Variants in C1orf116 observed in about 807,000 individuals in gnomAD.
C1orf116 encodes chromosome 1 open reading frame 116.
Under a neutral mutation model 14.1 loss-of-function variants are expected in C1orf116, and 12 were observed. That is an observed-to-expected ratio of 0.85 (90% CI 0.54 to 1.38). The LOEUF (loss-of-function observed/expected upper bound fraction) is 1.38, where lower values mean the gene tolerates loss of function less well. Ranked by LOEUF, C1orf116 falls within the 40% of genes most tolerant of loss-of-function variation. The pLI, the probability that C1orf116 is intolerant of heterozygous loss-of-function variation, is 0.00. For missense variants in C1orf116, 797 were observed against 747.0 expected (o/e 1.07, Z -0.78); for synonymous variants, 296 against 299.0 (o/e 0.99, Z 0.10).
chr1:207,023,361 G>A lies in C1orf116; in HGVS notation c.403C>T (p.Pro135Ser). 6.2e-7 allele frequency: 1 copy of A among 1,614,162 alleles called. No homozygotes were observed. The highest frequency in any genetic ancestry group is 8.5e-7 in the Non-Finnish European group (1 of 1,180,006). The change falls in exon 4 of 4, where the codon CCT (proline) becomes TCT (serine). Residue 135 changes from proline (P) to serine (S), a missense_variant. Transcript: ENST00000359470. ...CTTCTGGCAATGTGGATATTCCTAGGGAGGCTGTAGGAGCCAGACCTGAGG... is the reference window on the plus strand; with the variant it reads ...CTTCTGGCAATGTGGATATTCCTAGAGAGGCTGTAGGAGCCAGACCTGAGG... ...LGLRSGSYSL[P>S]RNIHIARSQN...
intron 3 of C1orf116, 123 bp from the exon 4 acceptor site, chr1:207,023,603 G>A (rs1681961202): frequency 7.4e-7 from 1 of 1,349,514 alleles, no homozygotes; most frequent in African/African-American, 1.5e-5. Context: ...CAATGAATGG[G>A]TTTTATTTTG....
At chr1:207,024,035 A>G (rs1295086287) in intron 3 of C1orf116, among the ~76,000 whole-genome samples, 3 of 152,164 alleles carry the variant, frequency 2.0e-5, no homozygotes, top group Non-Finnish European at 4.4e-5. Context: ...TTTGCTCTTG[A>G]TTCAACCAGG....
chr1:207,032,526 A>C, intron 1 of C1orf116, 53 bp downstream of exon 1: 256 of 978,588 alleles, frequency 2.6e-4, no homozygotes, highest in South Asian at 2.8e-4. Context: ...TTTCCCATGA[A>C]ACCCCTTCCT....
Position 207,020,461 on chromosome 1 carries a change from A to T in C1orf116, c.*1497T>A, listed in dbSNP as rs1444626624. Reference sequence around the variant, plus strand: ...GGGCATCCTGGACTCCAAGCAGTTCACAACCATAAGTAAGATTTACTTCCT... The same window carrying T: ...GGGCATCCTGGACTCCAAGCAGTTCTCAACCATAAGTAAGATTTACTTCCT... On this transcript the variant is annotated 3_prime_UTR_variant, in exon 4 of 4. Coordinates refer to ENST00000359470, the MANE Select transcript of C1orf116 (RefSeq NM_023938.6). 6.6e-6 allele frequency: 1 copy of T among 152,120 alleles called. No homozygotes were observed. The highest frequency in any genetic ancestry group is 6.6e-5 in the Admixed American group (1 of 15,266). 9.4% of individuals were successfully genotyped at this position (152,120 alleles called of 1,614,324 possible). A position where few individuals can be genotyped will look rare whatever the true frequency, so the allele number is the denominator to read the frequency against.
rs1681754321 is a variant in C1orf116, at chr1:207,019,162, G to T, written c.*2796C>A. ...AGTGGGCTCATCGGTTGACCTCTGT[G>T]TGAGATGGCACGTGGTCCTACCCTG... is the stretch of plus-strand genomic sequence containing the variant. On this transcript the variant is annotated 3_prime_UTR_variant, in exon 4 of 4. Transcript: ENST00000359470. The T allele has an allele frequency of 6.6e-6, 1 of 152,306 alleles. No individual in the cohort carries two copies. The highest frequency in any genetic ancestry group is 1.5e-5 in the Non-Finnish European group (1 of 68,092). 9.4% of individuals were successfully genotyped at this position (152,306 alleles called of 1,614,324 possible). A position where few individuals can be genotyped will look rare whatever the true frequency, so the allele number is the denominator to read the frequency against.
chr1:207,032,326 T>C (rs1469817685), intron 1 of C1orf116, among the ~76,000 whole-genome samples: 1 of 152,210 alleles, frequency 6.6e-6, no homozygotes, highest in Non-Finnish European at 1.5e-5. Context: ...TTGCACAATA[T>C]GCCTATCCAA....
chr1:207,031,422 T>G (rs543393991), intron 1 of C1orf116, among the ~76,000 whole-genome samples: 17 of 152,154 alleles, frequency 1.1e-4, no homozygotes, highest in Non-Finnish European at 2.5e-4. Flanking sequence ...GTGTGGGGTG[T>G]TGGCTCTGTG....
In C1orf116 at chr1:207,018,849, A is replaced by T. The variant is rs1681739741; in HGVS notation, c.*3109T>A. On this transcript the variant is annotated 3_prime_UTR_variant, in exon 4 of 4. Coordinates refer to ENST00000359470, the MANE Select transcript of C1orf116 (RefSeq NM_023938.6). ...GGCCCCCTCTCCTCTAGTCCATGAG[A>T]TTACAGCTTTGCACACTGACAGGAG... 2 of 152,262 alleles carry T rather than the reference A, an allele frequency of 1.3e-5. No individual in the cohort carries two copies. The highest frequency in any genetic ancestry group is 2.9e-5 in the Non-Finnish European group (2 of 68,128). 9.4% of individuals were successfully genotyped at this position (152,262 alleles called of 1,614,324 possible). A position where few individuals can be genotyped will look rare whatever the true frequency, so the allele number is the denominator to read the frequency against.
chr1:207,024,402 G>A (rs1160385243), intron 3 of C1orf116, among the ~76,000 whole-genome samples: 1 of 152,206 alleles, frequency 6.6e-6, no homozygotes, highest in Admixed American at 6.5e-5. Flanking sequence ...CTTCTGCTGA[G>A]CCTGAATACC....
chr1:207,024,964 A>G lies in C1orf116; in HGVS notation c.206T>C (p.Leu69Pro), dbSNP rs772599263. 3.8e-5 allele frequency: 62 copies of G among 1,613,858 alleles called. No homozygotes were observed. Among genetic ancestry groups the G allele is most frequent in the Non-Finnish European group, 5.1e-5 (60 of 1,179,964 alleles). The change falls in exon 3 of 4, where the codon CTG becomes CCG. Residue 69 changes from leucine to proline, a missense_variant. By Grantham distance (98) the Leu-to-Pro change is moderately conservative (BLOSUM62 -3). Transcript: ENST00000359470. ...GGCTGGCTCAGACTCGTCAGTGGAC[A>G]GTCCGCTGTCAGCCTCCGTGTCCAG... ...GSLDTEADSGLSTDESEPATT... is the reference protein window; with the variant it reads ...GSLDTEADSGPSTDESEPATT...
Position 207,022,265 on chromosome 1 carries a change from T to G in C1orf116, c.1499A>C (p.Asp500Ala), listed in dbSNP as rs61743516. ...GLSSYLSTEKDASPKTSTSLG... is the reference protein window; with the variant it reads ...GLSSYLSTEKAASPKTSTSLG... ...AGAAGTGCTGGTTTTGGGGCTGGCA[T>G]CTTTCTCAGTTGAAAGGTAGCTGCT... Residue 500 changes from aspartate to alanine, a missense_variant, in exon 4 of 4, where the codon GAT becomes GCT. Coordinates refer to ENST00000359470, the MANE Select transcript of C1orf116 (RefSeq NM_023938.6). The G allele has an allele frequency of 2.2e-3, 3,531 of 1,613,802 alleles. 74 individuals carry two copies. The African/African-American group carries it at 0.04, about 18-fold the overall frequency.
chr1:207,021,824 TA>T lies in C1orf116; in HGVS notation c.*133del. 1.2e-6 allele frequency: 1 copy of T among 859,788 alleles called. No individual in the cohort carries two copies. The highest frequency in any genetic ancestry group is 1.7e-6 in the Non-Finnish European group (1 of 587,734). 53.3% of individuals were successfully genotyped at this position (859,788 alleles called of 1,614,324 possible). On this transcript the variant is annotated 3_prime_UTR_variant, in exon 4 of 4. Coordinates refer to ENST00000359470, the MANE Select transcript of C1orf116 (RefSeq NM_023938.6). ...GAACTCAATGGCACAACACTGAATA[TA>T]AATGTATGCTTGGACTCAAATCTCT...
In C1orf116 at chr1:207,023,132, T is replaced by C; in HGVS notation, c.632A>G (p.Gln211Arg). ...PEAFRDTQPEQCREASLPEGP... is the reference protein window; with the variant it reads ...PEAFRDTQPERCREASLPEGP... ...CTCGGGCAGGCTGGCTTCCCTACACTGCTCTGGCTGGGTGTCCCGGAAAGC... is the reference window on the plus strand; with the variant it reads ...CTCGGGCAGGCTGGCTTCCCTACACCGCTCTGGCTGGGTGTCCCGGAAAGC... Residue 211 changes from glutamine (Q) to arginine (R), a missense_variant, in exon 4 of 4, where the codon CAG becomes CGG. By Grantham distance (43) the Gln-to-Arg change is conservative. Coordinates refer to ENST00000359470, the MANE Select transcript of C1orf116 (RefSeq NM_023938.6). 2.5e-6 allele frequency: 4 copies of C among 1,612,644 alleles called. No homozygotes were observed. Among genetic ancestry groups the C allele is most frequent in the Non-Finnish European group, 3.4e-6 (4 of 1,179,552 alleles).
intron 1 of C1orf116, among the ~76,000 whole-genome samples, chr1:207,031,523 CT>C (rs1194608650): frequency 6.6e-6 from 1 of 152,142 alleles, no homozygotes; most frequent in Non-Finnish European, 1.5e-5. Context: ...GCCCTTGAGC[CT>C]GGCACTGAGG....
intron 1 of C1orf116, among the ~76,000 whole-genome samples, chr1:207,032,067 G>A (rs1271696735): frequency 6.6e-6 from 1 of 152,060 alleles, no homozygotes; most frequent in Non-Finnish European, 1.5e-5. Flanking sequence ...CCTGTACACA[G>A]AGAGCTCCAT....
chr1:207,022,049 G>T lies in C1orf116; in HGVS notation c.1715C>A (p.Pro572His). The T allele has an allele frequency of 6.2e-7, 1 of 1,603,680 alleles. No individual in the cohort carries two copies. Among genetic ancestry groups the T allele is most frequent in the Non-Finnish European group, 8.5e-7 (1 of 1,175,254 alleles). The stretch of plus-strand genomic sequence containing the variant: ...GGAGATCTTGACACTGACACAGGGG[G>T]GGCGAGGAAGCTTGTCACGGCTCTG... ...QGQSRDKLPR[P>H]PCVSVKISPK... Residue 572 changes from proline to histidine, a missense_variant, in exon 4 of 4, where the codon CCC becomes CAC. Transcript: ENST00000359470.
Position 207,032,672 on chromosome 1 carries a change from T to A in C1orf116, c.-175A>T. 58 of 985,486 alleles carry A rather than the reference T, an allele frequency of 5.9e-5. No individual in the cohort carries two copies. The highest frequency in any genetic ancestry group is 7.0e-5 in the Non-Finnish European group (58 of 829,970). The allele number at this position is 985,486 out of a possible 1,614,324, so 61.0% of individuals were successfully genotyped here. The stretch of plus-strand genomic sequence containing the variant: ...AGAGGCTGCTTCCCCTGCCTCCTAC[T>A]GTTTTCTTCTCCTTTTGAGCTCCTC... On this transcript the variant is annotated 5_prime_UTR_variant, in exon 1 of 4. Coordinates refer to ENST00000359470, the MANE Select transcript of C1orf116 (RefSeq NM_023938.6).
At chr1:207,024,755 T>G in intron 3 of C1orf116, 132 bp downstream of exon 3, 1 of 1,129,444 alleles carries the variant, frequency 8.9e-7, no homozygotes, top group Non-Finnish European at 1.3e-6. Context: ...AGGAGAGTGG[T>G]GAGGAGTGTG....
intron 1 of C1orf116, among the ~76,000 whole-genome samples, chr1:207,030,637 A>C (rs1682216516): frequency 6.6e-6 from 1 of 152,188 alleles, no homozygotes; most frequent in African/African-American, 2.4e-5. Flanking sequence ...TGACCTAAAG[A>C]ATCTTAATGG....
Sources: allele counts gnomAD v4.1 joint callset (sites outside exome capture counted in the v4.1 genomes callset), GRCh38; gene constraint gnomAD v4.1.1; transcripts MANE v1.5; gene names NCBI Gene and HGNC (gene_info 2026-07-23, HGNC 2026-07-21).